The following MIB1 variants were observed in gnomAD, a reference collection of about 807,000 sequenced individuals.
The protein encoded by MIB1 is E3 ubiquitin-protein ligase MIB1.
A neutral mutation model predicts 124.5 loss-of-function variants in MIB1; 278 were observed. The observed-to-expected ratio is 2.23, with a 90% confidence interval of 2.02 to 2.47. The LOEUF (loss-of-function observed/expected upper bound fraction) is 2.47, where lower values mean the gene tolerates loss of function less well. Among genes scored for constraint, MIB1 ranks in the 30% most tolerant of loss-of-function variants. MIB1 has a pLI of 0.00. For synonymous variants in MIB1, 446 were observed against 429.4 expected (o/e 1.04, Z -0.48); for missense variants, 957 against 1,254.4 (o/e 0.76, Z 3.58).
At position 21,707,969 on chromosome 18, in the gene MIB1, T is replaced by C. The variant is rs541916145; in HGVS notation, n.167+2846T>C. Among the ~76,000 whole-genome samples, 66 of 152,300 alleles carry C rather than the reference T, an allele frequency of 4.3e-4. 1 individual carries two copies. Among genetic ancestry groups the C allele is most frequent in the African/African-American group, 1.4e-3 (57 of 41,572 alleles). On this transcript the variant is annotated intron_variant and non_coding_transcript_variant, in intron 1 of 20. Coordinates refer to the MIB1 transcript ENST00000578646. ...TGAGGGCCCTCTTTTGCCTTGCAGA[T>C]GGCTTCTCAGGAAGCTCTGATGTCT... is the stretch of plus-strand genomic sequence containing the variant.
intron 9 of MIB1, among the ~76,000 whole-genome samples, chr18:21,801,832 A>G (rs1472525275): frequency 2.0e-5 from 3 of 152,058 alleles, no homozygotes; most frequent in African/African-American, 7.2e-5. Flanking sequence ...TCTCCGTCTG[A>G]ACAGGGTCCT....
intron 1 of MIB1, among the ~76,000 whole-genome samples, chr18:21,733,670 G>C (rs2040782345): frequency 1.3e-5 from 2 of 152,186 alleles, no homozygotes; most frequent in African/African-American, 2.4e-5. Context: ...GTCTGCTGCT[G>C]TAGGCTTTTC....
chr18:21,786,166 G>C (rs1219315015), intron 6 of MIB1, among the ~76,000 whole-genome samples: 2 of 151,706 alleles, frequency 1.3e-5, no homozygotes, highest in African/African-American at 4.8e-5. Context: ...GCACGATCTC[G>C]GCTCACTGCA....
chr18:21,791,344 C>A (rs1261631828), intron 6 of MIB1, 30 bp from the exon 7 acceptor site: 1 of 1,536,716 alleles, frequency 6.5e-7, no homozygotes, highest in Non-Finnish European at 8.8e-7. Flanking sequence ...GCAAAGCTAC[C>A]CATTTTGAGG....
chr18:21,803,142 G>A (rs1282927592), intron 9 of MIB1, among the ~76,000 whole-genome samples: 1 of 152,028 alleles, frequency 6.6e-6, no homozygotes, highest in Non-Finnish European at 1.5e-5. Flanking sequence ...ACTTTTTCTT[G>A]TTTTCTAATG....
chr18:21,775,456 G>A (rs2041273948), intron 4 of MIB1, among the ~76,000 whole-genome samples: 1 of 152,120 alleles, frequency 6.6e-6, no homozygotes, highest in Non-Finnish European at 1.5e-5. Context: ...TGTCCACACT[G>A]GTTTTGAACT....
At chr18:21,753,771 G>A (rs2041001539) in intron 1 of MIB1, among the ~76,000 whole-genome samples, 1 of 151,938 alleles carries the variant, frequency 6.6e-6, no homozygotes, top group South Asian at 2.1e-4. Flanking sequence ...CTGCCTCCCA[G>A]GTTCAAGCAA....
chr18:21,724,023 G>A (rs2040726622), intron 1 of MIB1: 1 of 152,072 alleles, frequency 6.6e-6, no homozygotes, highest in Admixed American at 6.6e-5. Context: ...ACTCTTTTAT[G>A]TGAACTCCCT....
intron 6 of MIB1, among the ~76,000 whole-genome samples, chr18:21,781,368 TATA>T (rs2041361319): frequency 8.9e-4 from 3 of 3,354 alleles, no homozygotes; most frequent in Non-Finnish European, 1.6e-3. Flanking sequence ...GTTCAAGTTA[TATA>T]TATATATATA....
intron 10 of MIB1, among the ~76,000 whole-genome samples, chr18:21,815,213 G>C (rs563451778): frequency 6.6e-6 from 1 of 151,148 alleles, no homozygotes; most frequent in Non-Finnish European, 1.5e-5. Flanking sequence ...CTGTTGCCCC[G>C]GTCAGAGTGC....
intron 6 of MIB1, among the ~76,000 whole-genome samples, chr18:21,785,260 G>A (rs1025956251): frequency 6.6e-6 from 1 of 151,854 alleles, no homozygotes. Flanking sequence ...AGCGTGGCCA[G>A]GCATTTGGGG....
At chr18:21,849,048 T>C in intron 16 of MIB1, 148 bp from the exon 17 acceptor site, 1 of 498,726 alleles carries the variant, frequency 2.0e-6, no homozygotes, top group South Asian at 4.5e-5. Context: ...CACAAAAATT[T>C]AATGTTTCAC....
In MIB1 at chr18:21,775,644, A is replaced by G. The variant is rs949563930; in HGVS notation, c.636+1916A>G. Among the ~76,000 whole-genome samples the G allele has an allele frequency of 2.0e-5, 3 of 152,186 alleles. No individual in the cohort carries two copies. The East Asian group carries it at 5.8e-4, about 29-fold the overall frequency. ...ATATAGCAGTGATTATCAGCTTTTC[A>G]TTTTCTTCATGCCTCTGCCTGTTTT... On this transcript the variant is annotated intron_variant, in intron 4 of 20. Transcript: ENST00000261537.
chr18:21,745,894 A>T (rs1479541353), intron 1 of MIB1, among the ~76,000 whole-genome samples: 1 of 151,878 alleles, frequency 6.6e-6, no homozygotes, highest in Non-Finnish European at 1.5e-5. Context: ...TTTGGTAGAG[A>T]CGGGGTTTCA....
Position 21,838,373 on chromosome 18 carries a change from G to GT in MIB1, c.1839dup (p.Val614CysfsTer5). 1 of 1,592,764 alleles carries GT rather than the reference G, an allele frequency of 6.3e-7. No individual in the cohort carries two copies. Among genetic ancestry groups the GT allele is most frequent in the Non-Finnish European group, 8.6e-7 (1 of 1,168,086 alleles). ...GTGAATTTAACTTTCAGTGCAATGC[G>GT]TGTTTTACTATCTAAATTACCAAGA... is the stretch of plus-strand genomic sequence containing the variant. On this transcript the variant is annotated frameshift_variant, in exon 13 of 21. Transcript: ENST00000261537. LOFTEE classifies it high-confidence loss of function.
intron 1 of MIB1, among the ~76,000 whole-genome samples, chr18:21,724,724 AAAAATATATATATATATATAT>A (rs2040731305): frequency 3.3e-5 from 2 of 61,384 alleles, no homozygotes; most frequent in East Asian, 4.6e-4. Flanking sequence ...AAAAAAAAAA[AAAAATATATATATATATATAT>A]ATATATATAT....
chr18:21,735,532 A>T (rs1598583509), intron 1 of MIB1, among the ~76,000 whole-genome samples: 1 of 150,288 alleles, frequency 6.7e-6, no homozygotes, highest in Non-Finnish European at 1.5e-5. Context: ...AGAACCGTTC[A>T]CTCGCCTGGA....
intron 3 of MIB1, among the ~76,000 whole-genome samples, chr18:21,769,249 T>C (rs1487175368): frequency 6.6e-6 from 1 of 152,036 alleles, no homozygotes; most frequent in East Asian, 1.9e-4. Flanking sequence ...TTCTGTGTGG[T>C]GAAATGAGAG....
intron 6 of MIB1, among the ~76,000 whole-genome samples, chr18:21,780,199 T>C (rs1206938892): frequency 2.0e-5 from 3 of 152,208 alleles, no homozygotes; most frequent in Non-Finnish European, 4.4e-5. Context: ...AAACAGGCAA[T>C]TGGGGCAACC....
Sources: allele counts gnomAD v4.1 joint callset (sites outside exome capture counted in the v4.1 genomes callset), GRCh38; gene constraint gnomAD v4.1.1; transcripts MANE v1.5; gene names NCBI Gene and HGNC (gene_info 2026-07-23, HGNC 2026-07-21).